LYN: variants seen among roughly 807,000 people sequenced by gnomAD.
LYN encodes the protein tyrosine-protein kinase Lyn.
Under a neutral mutation model 65.0 loss-of-function variants are expected in LYN, and 12 were observed. That is an observed-to-expected ratio of 0.18 (90% confidence interval 0.12 to 0.30). LYN has a LOEUF of 0.30. LYN is among the 10% of genes least tolerant of loss of function. The pLI, the probability that LYN is intolerant of heterozygous loss-of-function variation, is 1.00. For synonymous variants in LYN, 222 were observed against 221.2 expected, an observed-to-expected ratio of 1.00 and a Z score of -0.03; for missense variants, 380 against 623.2, an observed-to-expected ratio of 0.61 and a Z score of 4.16.
rs533424906 is a variant in LYN, at chr8:55,903,493, T to C, written c.-6+23390T>C. Among the ~76,000 whole-genome samples, 8 of 152,378 alleles carry C rather than the reference T, an allele frequency of 5.3e-5. No homozygotes were observed. In the South Asian group the frequency reaches 1.7e-3, roughly 32 times the overall value. On this transcript the variant is annotated intron_variant, in intron 1 of 12. Coordinates refer to ENST00000519728, the MANE Select transcript of LYN (RefSeq NM_002350.4). ...GACTAAAAAACTACTTGAGTGTTTT[T>C]GATTACCAACTTTTCATGAGCTGAA... is the stretch of plus-strand genomic sequence containing the variant.
chr8:55,909,993 CTTT>C (rs56923750), intron 1 of LYN, among the ~76,000 whole-genome samples: 2 of 138,054 alleles, frequency 1.4e-5, no homozygotes, highest in Non-Finnish European at 1.6e-5. Context: ...GTGTGTGTGT[CTTT>C]TTTTTTTTTT....
At chr8:55,918,289 G>A (rs2130426620) in intron 1 of LYN, among the ~76,000 whole-genome samples, 1 of 152,272 alleles carries the variant, frequency 6.6e-6, no homozygotes. Flanking sequence ...CTGTTAACCT[G>A]CCTTTATTTC....
At chr8:55,948,631 A>G (rs1806851893) in intron 4 of LYN, among the ~76,000 whole-genome samples, 1 of 152,216 alleles carries the variant, frequency 6.6e-6, no homozygotes, top group Admixed American at 6.5e-5. Context: ...CTTGCATTAA[A>G]TGTCACTGTG....
chr8:55,929,169 G>T (rs1345367560), intron 1 of LYN, among the ~76,000 whole-genome samples: 1 of 152,174 alleles, frequency 6.6e-6, no homozygotes, highest in Non-Finnish European at 1.5e-5. Context: ...GTTACTTTCA[G>T]TGAAGATAAA....
At chr8:55,921,313 T>C (rs926839311) in intron 1 of LYN, among the ~76,000 whole-genome samples, 2 of 152,214 alleles carry the variant, frequency 1.3e-5, no homozygotes, top group Non-Finnish European at 2.9e-5. Flanking sequence ...GTATGTTTTA[T>C]TGAAGCAAGT....
In LYN at chr8:55,969,702, T is replaced by C; in HGVS notation, c.974-15T>C. ...GTGTTTGGAATGCACTAACTTGTTC[T>C]TTCTTTCTCCATAGGCAGTTTGCTG... On this transcript the variant is annotated splice_polypyrimidine_tract_variant and intron_variant, in intron 9 of 12. Transcript: ENST00000519728. The C allele has an allele frequency of 6.2e-7, 1 of 1,607,452 alleles. No individual in the cohort carries two copies. The highest frequency in any genetic ancestry group is 8.5e-7 in the Non-Finnish European group (1 of 1,173,858).
At chr8:55,962,762 A>G (rs1361377470) in intron 8 of LYN, among the ~76,000 whole-genome samples, 1 of 152,216 alleles carries the variant, frequency 6.6e-6, no homozygotes, top group Non-Finnish European at 1.5e-5. Flanking sequence ...AATACCCGAG[A>G]CTGGGTAACT....
chr8:55,887,723 C>T (rs902351179), intron 1 of LYN, among the ~76,000 whole-genome samples: 1 of 151,362 alleles, frequency 6.6e-6, no homozygotes, highest in African/African-American at 2.4e-5. Context: ...GATTCCTGTG[C>T]TTCAGCCTCC....
intron 12 of LYN, among the ~76,000 whole-genome samples, chr8:56,005,715 A>G (rs180826716): frequency 1.3e-5 from 2 of 152,288 alleles, no homozygotes; most frequent in African/African-American, 2.4e-5. Flanking sequence ...AGTGAGGAGG[A>G]GGCAAAAGAT....
chr8:55,993,893 A>T (rs1808308469), intron 10 of LYN, among the ~76,000 whole-genome samples: 1 of 152,220 alleles, frequency 6.6e-6, no homozygotes, highest in Non-Finnish European at 1.5e-5. Context: ...AAGCTTTCCA[A>T]GCTGCTGGAA....
intron 1 of LYN, among the ~76,000 whole-genome samples, chr8:55,889,565 A>G (rs1396659994): frequency 6.6e-6 from 1 of 152,154 alleles, no homozygotes; most frequent in East Asian, 1.9e-4. Context: ...GGGAATACCA[A>G]CATAAATAAG....
intron 1 of LYN, among the ~76,000 whole-genome samples, chr8:55,937,540 T>C (rs1388016710): frequency 1.3e-5 from 2 of 152,214 alleles, no homozygotes; most frequent in Non-Finnish European, 2.9e-5. Flanking sequence ...GGAACATCCT[T>C]ATGCCCCTGT....
intron 1 of LYN, among the ~76,000 whole-genome samples, chr8:55,900,947 A>T (rs1426941741): frequency 6.6e-6 from 1 of 152,110 alleles, no homozygotes; most frequent in Non-Finnish European, 1.5e-5. Context: ...CAACAAAAAG[A>T]AGGATAATTG....
At position 56,010,219 on chromosome 8, in the gene LYN, G is replaced by A; in HGVS notation, c.*109G>A. The A allele has an allele frequency of 1.3e-5, 15 of 1,116,582 alleles. No homozygotes were observed. Among genetic ancestry groups the A allele is most frequent in the Non-Finnish European group, 2.0e-5 (15 of 762,482 alleles). The allele number at this position is 1,116,582 out of a possible 1,614,324, so 69.2% of individuals were successfully genotyped here. On this transcript the variant is annotated 3_prime_UTR_variant, in exon 13 of 13. Coordinates refer to ENST00000519728, the MANE Select transcript of LYN (RefSeq NM_002350.4). ...TTCATGTGCGGGGATCATCTGCCGTGCCTGGATCCTGAAATAGAGGCTAAA... is the reference window on the plus strand; with the variant it reads ...TTCATGTGCGGGGATCATCTGCCGTACCTGGATCCTGAAATAGAGGCTAAA...
intron 1 of LYN, among the ~76,000 whole-genome samples, chr8:55,885,335 A>T (rs778175703): frequency 2.0e-5 from 3 of 152,180 alleles, no homozygotes; most frequent in African/African-American, 4.8e-5. Flanking sequence ...AGTTGGTCTC[A>T]TTTCCTTTCT....
At chr8:55,884,535 C>T (rs1422400310) in intron 1 of LYN, among the ~76,000 whole-genome samples, 1 of 152,146 alleles carries the variant, frequency 6.6e-6, no homozygotes, top group Non-Finnish European at 1.5e-5. Flanking sequence ...CAGTTCACTG[C>T]ACCTCCATCT....
At chr8:55,965,730 C>CTG (rs779143722) in intron 8 of LYN, among the ~76,000 whole-genome samples, 8 of 151,652 alleles carry the variant, frequency 5.3e-5, no homozygotes, top group Non-Finnish European at 1.0e-4. Context: ...GAGTGTATGC[C>CTG]TGTGTGTGTA....
At chr8:55,922,399 A>G (rs1016422850) in intron 1 of LYN, among the ~76,000 whole-genome samples, 6 of 152,064 alleles carry the variant, frequency 3.9e-5, no homozygotes, top group African/African-American at 9.7e-5. Context: ...TGACATCACA[A>G]TTTTAAAGCC....
intron 1 of LYN, among the ~76,000 whole-genome samples, chr8:55,888,470 C>T (rs572907771): frequency 1.3e-5 from 2 of 152,330 alleles, no homozygotes; most frequent in African/African-American, 4.8e-5. Context: ...TTCTTGCCTA[C>T]ACTCTTTTAC....
Sources: allele counts gnomAD v4.1 joint callset (sites outside exome capture counted in the v4.1 genomes callset), GRCh38; gene constraint gnomAD v4.1.1; transcripts MANE v1.5; gene names NCBI Gene and HGNC (gene_info 2026-07-23, HGNC 2026-07-21).